Variants in MYBPC3 observed in about 807,000 individuals in gnomAD.
The protein encoded by MYBPC3 is myosin-binding protein C, cardiac-type.
A neutral mutation model predicts 159.3 loss-of-function variants in MYBPC3; 108 were observed. The ratio of observed to expected loss-of-function variants is 0.68; its 90% CI spans 0.58 to 0.80. The LOEUF is 0.80. Among genes scored for constraint, MYBPC3 ranks in the 30% least tolerant of loss-of-function variants. The probability of loss-of-function intolerance (pLI) is 0.00; values close to 1 mark genes in which losing one functional copy is unlikely to be tolerated. For synonymous variants in MYBPC3, 730 were observed against 702.0 expected (o/e 1.04, Z -0.63); for missense variants, 1,631 against 1,762.1 (o/e 0.93, Z 1.33).
chr11:47,346,533 G>T lies in MYBPC3; in HGVS notation c.926+94C>A. The stretch of plus-strand genomic sequence containing the variant: ...TCTGGGTCCCAGGCCAGGCAGGACT[G>T]GGGGCCAAGGGAGCTGAAGAGGGGC... On this transcript the variant is annotated intron_variant, in intron 11 of 34. Transcript: ENST00000545968. The surrounding 1 kb of genome is among the most constrained non-coding windows in gnomAD (Gnocchi z 5.3). 9 of 1,485,006 alleles carry T rather than the reference G, an allele frequency of 6.1e-6. No individual in the cohort carries two copies. Among genetic ancestry groups the T allele is most frequent in the Non-Finnish European group, 8.1e-6 (9 of 1,104,294 alleles). The allele number at this position is 1,485,006 out of a possible 1,614,324, so 92.0% of individuals were successfully genotyped here.
chr11:47,345,840 G>T (rs2095893564), intron 12 of MYBPC3, among the ~76,000 whole-genome samples: 1 of 152,176 alleles, frequency 6.6e-6, no homozygotes, highest in Non-Finnish European at 1.5e-5. Flanking sequence ...TTTCTTTTCA[G>T]AAGAGGGTAG....
chr11:47,343,412 C>A, intron 13 of MYBPC3, 80 bp downstream of exon 13: 1 of 1,506,438 alleles, frequency 6.6e-7, no homozygotes, highest in Non-Finnish European at 8.9e-7. Context: ...GTCAGAGATA[C>A]GCATGTGGAG....
Position 47,331,529 on chromosome 11 carries a change from C to T in MYBPC3, c.*214G>A, listed in dbSNP as rs1054933970. ...CCACCCTCCTTTTACCCCAAAGATC[C>T]AGGGGCTTCCTTCAGGAGCCCTGTG... On this transcript the variant is annotated 3_prime_UTR_variant, in exon 35 of 35. Transcript: ENST00000545968. 3 of 280,476 alleles carry T rather than the reference C, an allele frequency of 1.1e-5. No individual in the cohort carries two copies. The highest frequency in any genetic ancestry group is 2.2e-5 in the African/African-American group (1 of 45,738). The allele number at this position is 280,476 out of a possible 1,614,324, so 17.4% of individuals were successfully genotyped here. A position where few individuals can be genotyped will look rare whatever the true frequency, so the allele number is the denominator to read the frequency against.
Position 47,347,864 on chromosome 11 carries a change from G to C in MYBPC3, c.814C>G (p.Arg272Gly). The stretch of plus-strand genomic sequence containing the variant: ...CTGAGGATGGCCACTCACGTGCGGC[G>C]GAAGGCTGATAGGAGGTCCAGGTCT... ...TGDLDLLSAF[R>G]RTSLAGGGRR... Residue 272 changes from arginine (R) to glycine (G), a missense_variant, in exon 7 of 35, where the codon CGC becomes GGC. By Grantham distance (125) the Arg-to-Gly change is moderately radical. Coordinates refer to ENST00000545968, the MANE Select transcript of MYBPC3 (RefSeq NM_000256.3). 1 of 1,567,738 alleles carries C rather than the reference G, an allele frequency of 6.4e-7. No individual in the cohort carries two copies.
At position 47,338,778 on chromosome 11, in the gene MYBPC3, C is replaced by A; in HGVS notation, c.2149-99G>T. 7.3e-7 allele frequency: 1 copy of A among 1,372,196 alleles called. No homozygotes were observed. Among genetic ancestry groups the A allele is most frequent in the South Asian group, 1.4e-5 (1 of 69,272 alleles). The allele number at this position is 1,372,196 out of a possible 1,614,324, so 85.0% of individuals were successfully genotyped here. On this transcript the variant is annotated intron_variant, in intron 22 of 34. Transcript: ENST00000545968. The surrounding 1 kb of genome is among the most constrained non-coding windows in gnomAD (Gnocchi z 4.7). ...ATGTCCCGGGGGTCCATGGGGGGAA[C>A]ACAGCCTGTGGGAAGACTGCATCCA...
chr11:47,346,784 AC>A lies in MYBPC3; in HGVS notation c.909-141del. The A allele has an allele frequency of 1.1e-6, 1 of 933,280 alleles. No homozygotes were observed. Among genetic ancestry groups the A allele is most frequent in the Non-Finnish European group, 1.6e-6 (1 of 614,374 alleles). The allele number at this position is 933,280 out of a possible 1,614,324, so 57.8% of individuals were successfully genotyped here. ...ACTTGCACTCCCTGTGTTGTGGGGC[AC>A]CCATGCTGCTCCGGAGGCTCTGGCA... On this transcript the variant is annotated intron_variant, in intron 10 of 34. Transcript: ENST00000545968. This position sits in a 1 kb window ranked among gnomAD's most constrained non-coding sequence, Gnocchi z 5.3.
rs2095888940 is a variant in MYBPC3, at chr11:47,341,879, A to T, written c.1790+112T>A. On this transcript the variant is annotated intron_variant, in intron 18 of 34. Coordinates refer to ENST00000545968, the MANE Select transcript of MYBPC3 (RefSeq NM_000256.3). ...CTCAGTCTCTGTCCTGTCTCTGTGC[A>T]TCTGCCTCTCTGTCCACCTGTCTTT... is the stretch of plus-strand genomic sequence containing the variant. 2.1e-6 allele frequency: 3 copies of T among 1,398,506 alleles called. No individual in the cohort carries two copies. The Admixed American group carries it at 6.3e-5, about 29-fold the overall frequency. The allele number at this position is 1,398,506 out of a possible 1,614,324, so 86.6% of individuals were successfully genotyped here. A position where few individuals can be genotyped will look rare whatever the true frequency, so the allele number is the denominator to read the frequency against.
chr11:47,352,528 G>A (rs1169275528), intron 1 of MYBPC3, 95 bp downstream of exon 1: 41 of 1,515,036 alleles, frequency 2.7e-5, no homozygotes, highest in South Asian at 1.5e-4. Flanking sequence ...CCACGTCCTC[G>A]TCAACCCCCT....
intron 1 of MYBPC3, among the ~76,000 whole-genome samples, chr11:47,352,403 C>T (rs2142870580): frequency 6.6e-6 from 1 of 152,258 alleles, no homozygotes; most frequent in Non-Finnish European, 1.5e-5. Flanking sequence ...TGTCCCCTCT[C>T]TGCGTCCCTG....
At position 47,351,344 on chromosome 11, in the gene MYBPC3, G is replaced by A. The variant is rs373315466; in HGVS notation, c.187C>T (p.Arg63Trp). ...ACTTCCCGCACTGTCAGCGTATGCC[G>A]TGTGCCCTCTGTGGCCAGGCCGTAC... Reference protein sequence around the residue: ...NKYGLATEGTRHTLTVREVGP... With the variant: ...NKYGLATEGTWHTLTVREVGP... The change falls in exon 2 of 35, where the codon CGG (arginine) becomes TGG (tryptophan). Residue 63 changes from arginine to tryptophan, a missense_variant. Transcript: ENST00000545968. This position sits in a 1 kb window ranked among gnomAD's most constrained non-coding sequence, Gnocchi z 4.2. The A allele has an allele frequency of 8.1e-6, 13 of 1,600,378 alleles. No homozygotes were observed. The African/African-American group carries it at 1.3e-4, about 16-fold the overall frequency.
chr11:47,347,331 T>A (rs535998065), intron 9 of MYBPC3, 95 bp downstream of exon 9: 331 of 1,548,884 alleles, frequency 2.1e-4, no homozygotes, highest in Admixed American at 2.7e-4. Context: ...AGAGGTGCAG[T>A]GTTGTGCTCA....
chr11:47,347,942 T>C (rs1211368284), intron 6 of MYBPC3, 37 bp from the exon 7 acceptor site: 15 of 1,556,400 alleles, frequency 9.6e-6, no homozygotes, highest in African/African-American at 1.4e-5. Context: ...GGAAGGGGCT[T>C]CAGAGGGGGC....
In MYBPC3 at chr11:47,341,857, AGTCTCTGTCCT is replaced by A; in HGVS notation, c.1790+123_1790+133del. The A allele has an allele frequency of 3.3e-6, 4 of 1,205,876 alleles. No homozygotes were observed. In the South Asian group the frequency reaches 4.7e-5, roughly 14 times the overall value. 74.7% of individuals were successfully genotyped at this position (1,205,876 alleles called of 1,614,324 possible). A position where few individuals can be genotyped will look rare whatever the true frequency, so the allele number is the denominator to read the frequency against. On this transcript the variant is annotated intron_variant, in intron 18 of 34. Transcript: ENST00000545968. ...CTCCCTCTCTGTGGGTCTCTGTCTC[AGTCTCTGTCCT>A]GTCTCTGTGCATCTGCCTCTCTGTC... is the stretch of plus-strand genomic sequence containing the variant.
rs1003833483 is a variant in MYBPC3 at position 47,343,604 on chromosome 11, G to C, written c.1111C>G (p.Pro371Ala). The C allele has an allele frequency of 6.2e-7, 1 of 1,612,202 alleles. No homozygotes were observed. The highest frequency in any genetic ancestry group is 1.3e-5 in the African/African-American group (1 of 74,954). The stretch of plus-strand genomic sequence containing the variant: ...TGGCCTTTGCTCACCTGGTAGGCCG[G>C]CTCCAGCTTCTTCTGAAAGGCTGAG... ...KSTAFQKKLE[P>A]AYQVSKGHKI... Residue 371 changes from proline (P) to alanine (A), a missense_variant, in exon 13 of 35, where the codon CCG becomes GCG. Pro to Ala is a conservative substitution (Grantham distance 27, BLOSUM62 -1). Transcript: ENST00000545968.
rs906486939 is a variant in MYBPC3, at chr11:47,349,087, T to C, written c.655-546A>G. ...TGGTGAAATACAGGCTTTTGTGCAA[T>C]GCACAGCCCCGCACAGCAGAACATG... On this transcript the variant is annotated intron_variant, in intron 5 of 34. Transcript: ENST00000545968. 3.3e-5 allele frequency among the ~76,000 whole-genome samples: 5 copies of C among 151,278 alleles called. No individual in the cohort carries two copies. In the East Asian group the frequency reaches 7.8e-4, roughly 24 times the overall value.
rs1800565 is a variant in MYBPC3, at chr11:47,339,757, C to T, written c.1961G>A (p.Arg654His). 26 of 1,613,722 alleles carry T rather than the reference C, an allele frequency of 1.6e-5. No individual in the cohort carries two copies. Among genetic ancestry groups the T allele is most frequent in the East Asian group, 8.9e-5 (4 of 44,902 alleles). The change falls in exon 21 of 35, where the codon CGC (arginine) becomes CAC (histidine). Residue 654 changes from arginine (R) to histidine (H), a missense_variant. Arg to His is a conservative substitution (Grantham distance 29). Coordinates refer to ENST00000545968, the MANE Select transcript of MYBPC3 (RefSeq NM_000256.3). The stretch of plus-strand genomic sequence containing the variant: ...TACAACCACAATGGTGTCTGGTATG[C>T]GGCCTGGGCAGTCCAGGTGGATCTT... ...PPKIHLDCPG[R>H]IPDTIVVVAG...
At position 47,332,035 on chromosome 11, in the gene MYBPC3, TC is replaced by T. The variant is rs779806369; in HGVS notation, c.3814+36del. Reference sequence around the variant, plus strand: ...CAGGGTCCCCACTGCCGCCCGCTCTTCCCATCTCCCAGGCCCTGGCCCCGAG... The same window carrying T: ...CAGGGTCCCCACTGCCGCCCGCTCTTCCATCTCCCAGGCCCTGGCCCCGAG... On this transcript the variant is annotated intron_variant, in intron 33 of 34. Transcript: ENST00000545968. The surrounding 1 kb of genome is among the most constrained non-coding windows in gnomAD (Gnocchi z 4.2). 1 of 1,603,446 alleles carries T rather than the reference TC, an allele frequency of 6.2e-7. No homozygotes were observed. Among genetic ancestry groups the T allele is most frequent in the South Asian group, 1.1e-5 (1 of 90,460 alleles).
intron 5 of MYBPC3, among the ~76,000 whole-genome samples, chr11:47,348,926 A>ATATATATATATATATATATATATATATG: frequency 7.6e-6 from 1 of 131,320 alleles, no homozygotes; most frequent in South Asian, 2.5e-4. Context: ...ATATATATAT[A>ATATATATATATATATATATATATATATG]TTTAAAGGAG....
intron 24 of MYBPC3, 25 bp downstream of exon 24, chr11:47,337,665 C>G (rs2142855616): frequency 6.3e-7 from 1 of 1,598,944 alleles, no homozygotes; most frequent in South Asian, 1.1e-5. Flanking sequence ...GCCCTCACAC[C>G]TCCATCCGGT....
Sources: allele counts gnomAD v4.1 joint callset (sites outside exome capture counted in the v4.1 genomes callset), GRCh38; gene constraint gnomAD v4.1.1; non-coding constraint Gnocchi (gnomAD v3.1); transcripts MANE v1.5; gene names NCBI Gene and HGNC (gene_info 2026-07-23, HGNC 2026-07-21).